The following PHACTR1 variants were observed in gnomAD, a reference collection of about 807,000 sequenced individuals.
The protein encoded by PHACTR1 is RPEL repeat containing 1.
Under a neutral mutation model 69.2 loss-of-function variants are expected in PHACTR1, and 16 were observed. The ratio of observed to expected loss-of-function variants is 0.23; its 90% confidence interval spans 0.16 to 0.35. The LOEUF (loss-of-function observed/expected upper bound fraction) is 0.35, where lower values mean the gene tolerates loss of function less well. Ranked by LOEUF, PHACTR1 falls within the 10% of genes least tolerant of loss-of-function variation. The pLI, the probability that PHACTR1 is intolerant of heterozygous loss-of-function variation, is 1.00. For synonymous variants in PHACTR1, 312 were observed against 284.5 expected (o/e 1.10, Z -0.97); for missense variants, 510 against 734.7 (o/e 0.69, Z 3.54).
chr6:12,808,306 CT>C (rs1581846675), intron 4 of PHACTR1, among the ~76,000 whole-genome samples: 2 of 152,152 alleles, frequency 1.3e-5, no homozygotes, highest in African/African-American at 4.8e-5. Flanking sequence ...TATATTTTAA[CT>C]TTTAAAAACT....
intron 4 of PHACTR1, among the ~76,000 whole-genome samples, chr6:12,782,220 A>G (rs1035440428): frequency 1.4e-4 from 21 of 152,218 alleles, no homozygotes; most frequent in African/African-American, 5.1e-4. Context: ...AAGGGTTGGC[A>G]GTCAGGTGCC....
chr6:13,131,173 GTA>G (rs1343073291), intron 5 of PHACTR1, among the ~76,000 whole-genome samples: 16 of 75,452 alleles, frequency 2.1e-4, no homozygotes, highest in East Asian at 1.3e-3. Flanking sequence ...ATATATGTGT[GTA>G]TATACACACA....
intron 4 of PHACTR1, among the ~76,000 whole-genome samples, chr6:12,911,519 C>G (rs1329021487): frequency 6.6e-6 from 1 of 152,102 alleles, no homozygotes; most frequent in Non-Finnish European, 1.5e-5. Flanking sequence ...AAAACAATTT[C>G]TGAATAAAAT....
intron 5 of PHACTR1, among the ~76,000 whole-genome samples, chr6:13,094,591 C>G (rs1813851784): frequency 6.6e-6 from 1 of 152,088 alleles, no homozygotes; most frequent in African/African-American, 2.4e-5. Flanking sequence ...ACCACTGCAC[C>G]CAGTGATAGA....
At chr6:12,728,278 C>T (rs896275819) in intron 3 of PHACTR1, among the ~76,000 whole-genome samples, 3 of 152,138 alleles carry the variant, frequency 2.0e-5, no homozygotes, top group African/African-American at 7.2e-5. Context: ...GTGATCATGC[C>T]ACTGCACCAG....
intron 5 of PHACTR1, among the ~76,000 whole-genome samples, chr6:13,093,358 C>T (rs1437341359): frequency 1.3e-5 from 2 of 152,124 alleles, no homozygotes; most frequent in African/African-American, 4.8e-5. Context: ...CAGAAGAATA[C>T]CAAATGTATC....
chr6:13,231,094 GGAAGGGAAAAGAAA>G (rs1770943086), intron 10 of PHACTR1, among the ~76,000 whole-genome samples: 6 of 56,988 alleles, frequency 1.1e-4, no homozygotes, highest in Non-Finnish European at 2.3e-4. Flanking sequence ...GAAGAAGGAA[GGAAGGGAAAAGAAA>G]GAAGGAAAGA....
intron 5 of PHACTR1, among the ~76,000 whole-genome samples, chr6:13,085,784 A>G (rs73368184): frequency 0.11 from 16,597 of 152,036 alleles, 2,985 homozygotes; most frequent in African/African-American, 0.37. Flanking sequence ...TGTTTTATGG[A>G]TTAAAGAATA....
chr6:12,856,626 T>C (rs1266772196), intron 4 of PHACTR1, among the ~76,000 whole-genome samples: 5 of 152,154 alleles, frequency 3.3e-5, no homozygotes, highest in African/African-American at 1.2e-4. Flanking sequence ...ATCAACCAAA[T>C]ATACAGGAGT....
chr6:12,756,364 C>A (rs1039857169), intron 4 of PHACTR1, among the ~76,000 whole-genome samples: 2 of 152,148 alleles, frequency 1.3e-5, no homozygotes, highest in African/African-American at 4.8e-5. Context: ...ACTTTCCTTA[C>A]CCACTTTGGT....
chr6:13,007,048 T>G (rs1798878326), intron 4 of PHACTR1, among the ~76,000 whole-genome samples: 2 of 152,222 alleles, frequency 1.3e-5, no homozygotes, highest in African/African-American at 4.8e-5. Context: ...TTTGTGAACT[T>G]TAATGTTCTC....
chr6:13,222,534 A>G (rs987362333), intron 8 of PHACTR1, among the ~76,000 whole-genome samples: 4 of 152,252 alleles, frequency 2.6e-5, no homozygotes, highest in Non-Finnish European at 5.9e-5. Flanking sequence ...GGATCTGGAC[A>G]GTTCTTCATC....
chr6:13,106,323 T>G (rs1816131123), intron 5 of PHACTR1, among the ~76,000 whole-genome samples: 1 of 152,228 alleles, frequency 6.6e-6, no homozygotes, highest in Non-Finnish European at 1.5e-5. Flanking sequence ...GAGGATATTT[T>G]TAAGAGCATT....
chr6:12,932,892 T>A (rs1213953917), intron 4 of PHACTR1, among the ~76,000 whole-genome samples: 2 of 152,080 alleles, frequency 1.3e-5, no homozygotes, highest in Non-Finnish European at 2.9e-5. Context: ...CCTTTGCTAT[T>A]ATGTATCTAA....
intron 7 of PHACTR1, among the ~76,000 whole-genome samples, chr6:13,197,891 T>G (rs1764659604): frequency 6.6e-6 from 1 of 152,186 alleles, no homozygotes; most frequent in East Asian, 1.9e-4. Context: ...AAGGAATGCC[T>G]CTTTCAGGGG....
At chr6:12,927,950 G>C (rs1347108340) in intron 4 of PHACTR1, among the ~76,000 whole-genome samples, 1 of 152,316 alleles carries the variant, frequency 6.6e-6, no homozygotes, top group East Asian at 1.9e-4. Context: ...TGCTGACCGT[G>C]GGTGTCTCTT....
intron 4 of PHACTR1, among the ~76,000 whole-genome samples, chr6:12,934,955 A>G (rs967615021): frequency 6.6e-6 from 1 of 152,154 alleles, no homozygotes; most frequent in Non-Finnish European, 1.5e-5. Flanking sequence ...TCTATTTTCA[A>G]TCCCAGCTCT....
At chr6:12,767,243 G>T (rs988067220) in intron 4 of PHACTR1, among the ~76,000 whole-genome samples, 1 of 152,100 alleles carries the variant, frequency 6.6e-6, no homozygotes, top group Admixed American at 6.5e-5. Context: ...CCCACAGAAG[G>T]CTTGCCAGCT....
intron 12 of PHACTR1, among the ~76,000 whole-genome samples, chr6:13,282,832 G>A (rs1185305687): frequency 6.6e-6 from 1 of 152,114 alleles, no homozygotes; most frequent in Non-Finnish European, 1.5e-5. Context: ...ATCCACAACA[G>A]GCGCCCACAG....
Sources: gnomAD v4.1 joint callset for allele counts (sites outside exome capture counted in the v4.1 genomes callset) on GRCh38, gnomAD v4.1.1 for gene constraint, MANE v1.5 for transcripts, NCBI Gene and HGNC (gene_info 2026-07-23, HGNC 2026-07-21) for gene names.